Variants in DMD observed in about 807,000 individuals in gnomAD.
DMD encodes the protein dystrophin, also known as mutant dystrophin.
DMD carries 63 observed loss-of-function variants against 330.1 expected under a neutral mutation model. The observed-to-expected ratio is 0.19, with a 90% CI of 0.16 to 0.24. DMD has a LOEUF of 0.24. Ranked by LOEUF, DMD falls within the 10% of genes least tolerant of loss-of-function variation. The probability of loss-of-function intolerance (pLI) is 1.00; values close to 1 mark genes in which losing one functional copy is unlikely to be tolerated. For missense variants in DMD, 3,344 were observed against 2,684.1 expected, an observed-to-expected ratio of 1.25 and a Z score of -5.43; for synonymous variants, 1,223 against 959.8, an observed-to-expected ratio of 1.27 and a Z score of -5.07.
chrX:32,583,812 A>G (rs1260153003), intron 13 of DMD: 1 of 112,692 alleles, frequency 8.9e-6, no homozygotes, highest in East Asian at 2.8e-4. Flanking sequence ...CATACCTGTA[A>G]TAATAGGTGG....
At chrX:32,155,266 A>G (rs2096825081) in intron 44 of DMD, 2 of 259,788 alleles carry the variant, frequency 7.7e-6, no homozygotes, top group Non-Finnish European at 1.1e-5. Flanking sequence ...CTGCATCAGA[A>G]TAGAAGACTT....
At chrX:31,789,709 A>C (rs774902908) in intron 50 of DMD, among the ~76,000 whole-genome samples, 145 of 111,585 alleles carry the variant, frequency 1.3e-3, no homozygotes, top group African/African-American at 4.6e-3. Context: ...TCTACTGTAA[A>C]ATTACAATCT....
At chrX:32,451,491 C>A (rs933913763) in intron 26 of DMD, among the ~76,000 whole-genome samples, 3 of 110,554 alleles carry the variant, frequency 2.7e-5, no homozygotes, top group African/African-American at 9.8e-5. Context: ...TGCTGATCTC[C>A]ATAAAAGTTT....
chrX:32,894,155 A>C (rs1361597742), intron 2 of DMD, among the ~76,000 whole-genome samples: 3 of 112,080 alleles, frequency 2.7e-5, no homozygotes, highest in South Asian at 3.7e-4. Context: ...AATGATTATT[A>C]CTTGATATTA....
At chrX:31,492,736 G>GA (rs1327039535) in intron 57 of DMD, among the ~76,000 whole-genome samples, 24 of 110,950 alleles carry the variant, frequency 2.2e-4, no homozygotes, top group Admixed American at 6.7e-4. Flanking sequence ...GGACATGGAT[G>GA]AAGCTGGAAA....
chrX:31,434,205 T>G (rs17330006), intron 60 of DMD, among the ~76,000 whole-genome samples: 3,657 of 111,561 alleles, frequency 0.033, 84 homozygotes, highest in Middle Eastern at 0.084. Flanking sequence ...GTCCATTACT[T>G]CAAATGATCC....
intron 1 of DMD, among the ~76,000 whole-genome samples, chrX:33,238,169 A>T (rs1476710909): frequency 8.9e-6 from 1 of 112,295 alleles, no homozygotes; most frequent in Non-Finnish European, 1.9e-5. Flanking sequence ...ATAACCAGGT[A>T]TATGACATGC....
chrX:32,949,274 A>G (rs758663129), intron 2 of DMD, among the ~76,000 whole-genome samples: 1 of 107,729 alleles, frequency 9.3e-6, no homozygotes, highest in Admixed American at 1.0e-4. Context: ...ACACACACAC[A>G]CACACACACA....
At chrX:32,282,374 AC>A (rs1422613762) in intron 43 of DMD, among the ~76,000 whole-genome samples, 1 of 111,771 alleles carries the variant, frequency 8.9e-6, no homozygotes, top group Admixed American at 9.6e-5. Flanking sequence ...TTAGTTACCC[AC>A]CCGAAAATCA....
chrX:31,500,265 G>C (rs999916235), intron 56 of DMD, among the ~76,000 whole-genome samples: 2 of 112,279 alleles, frequency 1.8e-5, no homozygotes, highest in Non-Finnish European at 3.8e-5. Flanking sequence ...TTAAAATTGA[G>C]ATTGCTAGGT....
rs186229524 is a variant in DMD, at chrX:31,968,630, G to A, written c.6439-116C>T. On this transcript the variant is annotated intron_variant, in intron 44 of 78. Coordinates refer to ENST00000357033, the MANE Select transcript of DMD (RefSeq NM_004006.3). ...TACTGGCAAAGAAAGAAATACAAAAGCTCCATGTGAAAATTTCCCTATGAA... is the reference window on the plus strand; with the variant it reads ...TACTGGCAAAGAAAGAAATACAAAAACTCCATGTGAAAATTTCCCTATGAA... The A allele has an allele frequency of 3.6e-5, 29 of 814,849 alleles. No individual in the cohort carries two copies. The African/African-American group carries it at 5.8e-4, about 16-fold the overall frequency. 67.2% of individuals were successfully genotyped at this position (814,849 alleles called of 1,213,427 possible).
intron 47 of DMD, among the ~76,000 whole-genome samples, chrX:31,908,424 T>G (rs1416253026): frequency 9.0e-6 from 1 of 110,635 alleles, no homozygotes; most frequent in Admixed American, 9.7e-5. Context: ...TGAAGGGACA[T>G]GGATGAAGCT....
At chrX:32,512,021 T>A (rs1189776439) in intron 18 of DMD, among the ~76,000 whole-genome samples, 1 of 111,871 alleles carries the variant, frequency 8.9e-6, no homozygotes, top group African/African-American at 3.2e-5. Flanking sequence ...ATGAAAATTC[T>A]TAGAGATCAT....
chrX:32,964,524 A>G (rs2092051653), intron 2 of DMD, among the ~76,000 whole-genome samples: 2 of 109,612 alleles, frequency 1.8e-5, no homozygotes, highest in South Asian at 7.9e-4. Flanking sequence ...CCTGGCCAAC[A>G]TGGCAGAATC....
intron 49 of DMD, among the ~76,000 whole-genome samples, chrX:31,826,891 C>A (rs921920820): frequency 2.7e-5 from 3 of 111,855 alleles, no homozygotes; most frequent in Non-Finnish European, 3.8e-5. Flanking sequence ...TCGTGTTCTA[C>A]CAAAATGGAT....
intron 59 of DMD, among the ~76,000 whole-genome samples, chrX:31,452,163 G>A (rs1267647599): frequency 9.4e-6 from 1 of 106,713 alleles, no homozygotes; most frequent in African/African-American, 3.6e-5. Context: ...TTTCCCAAGC[G>A]ATTATCAGTA....
At chrX:32,807,491 T>A (rs1318553332) in intron 7 of DMD, among the ~76,000 whole-genome samples, 2 of 111,464 alleles carry the variant, frequency 1.8e-5, no homozygotes, top group Non-Finnish European at 3.8e-5. Flanking sequence ...TACATTTTGT[T>A]GATTTTAAAT....
At chrX:31,522,361 CTCTA>C (rs1352412898) in intron 55 of DMD, among the ~76,000 whole-genome samples, 56 of 50,228 alleles carry the variant, frequency 1.1e-3, no homozygotes, top group Non-Finnish European at 1.4e-3. Flanking sequence ...CTCTCTCTCT[CTCTA>C]TATATATATA....
intron 62 of DMD, among the ~76,000 whole-genome samples, chrX:31,306,282 C>T (rs1276968102): frequency 2.7e-5 from 3 of 111,196 alleles, no homozygotes; most frequent in African/African-American, 6.5e-5. Context: ...GGTTCATAAG[C>T]GGAAGAGCTG....
Sources: gnomAD v4.1 joint callset for allele counts (sites outside exome capture counted in the v4.1 genomes callset) on GRCh38, gnomAD v4.1.1 for gene constraint, MANE v1.5 for transcripts, NCBI Gene and HGNC (gene_info 2026-07-23, HGNC 2026-07-21) for gene names.